The following NRG1 variants were observed in gnomAD, a reference collection of about 807,000 sequenced individuals.
NRG1 encodes the protein neuregulin 1.
NRG1 carries 18 observed loss-of-function variants against 63.8 expected under a neutral mutation model. The observed-to-expected ratio is 0.28, with a 90% CI of 0.19 to 0.42. NRG1 has a LOEUF of 0.42. Ranked by LOEUF, NRG1 falls within the 10% of genes least tolerant of loss-of-function variation. The pLI, the probability that NRG1 is intolerant of heterozygous loss-of-function variation, is 1.00. For missense variants in NRG1, 762 were observed against 814.7 expected (o/e 0.94, Z 0.79); for synonymous variants, 302 against 301.3 (o/e 1.00, Z -0.02).
At chr8:32,148,018 C>T (rs1221550637) in intron 1 of NRG1, among the ~76,000 whole-genome samples, 2 of 151,984 alleles carry the variant, frequency 1.3e-5, no homozygotes, top group African/African-American at 4.8e-5. Flanking sequence ...AACAAATACT[C>T]GTGAAAGTCT....
chr8:32,264,612 T>C (rs920764744), intron 1 of NRG1, among the ~76,000 whole-genome samples: 1 of 152,188 alleles, frequency 6.6e-6, no homozygotes. Flanking sequence ...GGTCTACAAT[T>C]TGCAATGCAC....
intron 1 of NRG1, among the ~76,000 whole-genome samples, chr8:32,126,852 C>T (rs186982911): frequency 9.1e-4 from 138 of 151,982 alleles, no homozygotes; most frequent in Non-Finnish European, 1.6e-3. Context: ...TCCACTGCTT[C>T]TCCTTAATTA....
At position 32,317,999 on chromosome 8, in the gene NRG1, G is replaced by A. The variant is rs542815552; in HGVS notation, c.38-277829G>A. Among the ~76,000 whole-genome samples, 10 of 151,790 alleles carry A rather than the reference G, an allele frequency of 6.6e-5. No homozygotes were observed. In the East Asian group the frequency reaches 1.5e-3, roughly 24 times the overall value. Reference sequence around the variant, plus strand: ...TTCCCAAAATAACTAAGAAAAGGGAGAAAAAAAATGAGTACAGAGGCCATG... The same window carrying A: ...TTCCCAAAATAACTAAGAAAAGGGAAAAAAAAAATGAGTACAGAGGCCATG... On this transcript the variant is annotated intron_variant, in intron 1 of 10. Coordinates refer to the NRG1 transcript ENST00000519301.
chr8:31,877,150 GA>G (rs1448508865), intron 1 of NRG1, among the ~76,000 whole-genome samples: 1 of 152,026 alleles, frequency 6.6e-6, no homozygotes, highest in African/African-American at 2.4e-5. Context: ...CTTGATAGAA[GA>G]ATATTTATTT....
At chr8:31,819,076 T>G (rs934896386) in intron 1 of NRG1, among the ~76,000 whole-genome samples, 5 of 142,854 alleles carry the variant, frequency 3.5e-5, no homozygotes, top group Admixed American at 7.1e-5. Context: ...AAACAAAAAC[T>G]TAAAGAGTTA....
At chr8:31,687,702 G>A (rs369006899) in intron 1 of NRG1, among the ~76,000 whole-genome samples, 1 of 152,242 alleles carries the variant, frequency 6.6e-6, no homozygotes, top group Non-Finnish European at 1.5e-5. Flanking sequence ...GAAGAGAAAA[G>A]AATCAGGATC....
chr8:32,498,253 C>T (rs1477437273), intron 1 of NRG1, among the ~76,000 whole-genome samples: 4 of 151,998 alleles, frequency 2.6e-5, no homozygotes, highest in South Asian at 2.1e-4. Flanking sequence ...CAATGAGTGG[C>T]GAATTGTGGA....
intron 1 of NRG1, among the ~76,000 whole-genome samples, chr8:32,083,151 A>G (rs1038598803): frequency 1.2e-4 from 18 of 152,104 alleles, no homozygotes; most frequent in African/African-American, 4.1e-4. Flanking sequence ...GAAAAGGCCA[A>G]GCTTAGTATC....
At chr8:32,386,539 T>C (rs745834182) in intron 1 of NRG1, among the ~76,000 whole-genome samples, 1 of 152,192 alleles carries the variant, frequency 6.6e-6, no homozygotes, top group Admixed American at 6.5e-5. Context: ...CGAGTACCTA[T>C]TACGTGTCAG....
At chr8:32,685,595 T>C (rs974137718) in intron 5 of NRG1, among the ~76,000 whole-genome samples, 4 of 152,230 alleles carry the variant, frequency 2.6e-5, no homozygotes, top group South Asian at 4.1e-4. Context: ...TCATGTATAG[T>C]GTGTCAGCAA....
chr8:31,716,279 G>T (rs1477578335), intron 1 of NRG1, among the ~76,000 whole-genome samples: 2 of 152,082 alleles, frequency 1.3e-5, no homozygotes, highest in African/African-American at 4.8e-5. Flanking sequence ...TTAGTTTCTA[G>T]GGAACATAAT....
chr8:32,401,126 C>T (rs553203084), intron 1 of NRG1, among the ~76,000 whole-genome samples: 18 of 151,912 alleles, frequency 1.2e-4, no homozygotes, highest in Non-Finnish European at 2.5e-4. Context: ...GAACGACAGA[C>T]ACTGGGGCCT....
intron 6 of NRG1, among the ~76,000 whole-genome samples, chr8:32,731,653 G>A (rs1465890000): frequency 6.6e-6 from 1 of 152,054 alleles, no homozygotes; most frequent in East Asian, 1.9e-4. Flanking sequence ...AATCCTGTAT[G>A]TAAAATATGT....
At chr8:31,779,610 G>C (rs991923998) in intron 1 of NRG1, among the ~76,000 whole-genome samples, 1 of 152,174 alleles carries the variant, frequency 6.6e-6, no homozygotes, top group Non-Finnish European at 1.5e-5. Context: ...GAGTTAAAAT[G>C]TAGGCCATTT....
chr8:32,360,691 C>T (rs1352416639), intron 1 of NRG1, among the ~76,000 whole-genome samples: 3 of 152,268 alleles, frequency 2.0e-5, no homozygotes, highest in South Asian at 2.1e-4. Context: ...ACTCATGCCT[C>T]ACCAAACCTG....
At chr8:32,112,412 C>T (rs936325233) in intron 1 of NRG1, among the ~76,000 whole-genome samples, 55 of 152,194 alleles carry the variant, frequency 3.6e-4, no homozygotes, top group African/African-American at 1.1e-3. Context: ...CAGAAGTCAG[C>T]ACCAGCAACT....
intron 1 of NRG1, among the ~76,000 whole-genome samples, chr8:32,235,054 C>T (rs570269203): frequency 6.6e-6 from 1 of 151,948 alleles, no homozygotes; most frequent in South Asian, 2.1e-4. Flanking sequence ...CCCTCAAAGT[C>T]AGACAAAGAA....
intron 1 of NRG1, among the ~76,000 whole-genome samples, chr8:32,015,849 T>TG (rs1049437563): frequency 1.3e-5 from 2 of 151,516 alleles, no homozygotes; most frequent in African/African-American, 4.8e-5. Flanking sequence ...AGTTTTCTCT[T>TG]GTTTGTTTTT....
intron 1 of NRG1, among the ~76,000 whole-genome samples, chr8:31,791,373 T>C (rs1820693985): frequency 6.6e-6 from 1 of 152,240 alleles, no homozygotes; most frequent in African/African-American, 2.4e-5. Flanking sequence ...TAAATAATTA[T>C]CACTATCAGT....
Sources: allele counts gnomAD v4.1 joint callset (sites outside exome capture counted in the v4.1 genomes callset), GRCh38; gene constraint gnomAD v4.1.1; transcripts MANE v1.5; gene names NCBI Gene and HGNC (gene_info 2026-07-23, HGNC 2026-07-21).